The following NEURL1 variants were observed in gnomAD, a reference collection of about 807,000 sequenced individuals.
NEURL1 encodes neuralized E3 ubiquitin protein ligase 1.
In NEURL1, 26 loss-of-function variants were observed where a neutral mutation model predicts 41.2. The observed-to-expected ratio is 0.63, with a 90% confidence interval of 0.46 to 0.87. The LOEUF is 0.87. Among genes scored for constraint, NEURL1 ranks in the 40% least tolerant of loss-of-function variants. The pLI is 0.00. For missense variants in NEURL1, 761 were observed against 871.1 expected, an observed-to-expected ratio of 0.87 and a Z score of 1.59; for synonymous variants, 400 against 402.3, an observed-to-expected ratio of 0.99 and a Z score of 0.07.
At chr10:103,561,633 A>G (rs2035294860) in intron 1 of NEURL1, among the ~76,000 whole-genome samples, 2 of 152,348 alleles carry the variant, frequency 1.3e-5, no homozygotes, top group East Asian at 1.9e-4. Flanking sequence ...AAGGGGTCAC[A>G]CAAGGGCCTG....
At chr10:103,506,838 G>A (rs2033959560) in intron 1 of NEURL1, among the ~76,000 whole-genome samples, 1 of 152,192 alleles carries the variant, frequency 6.6e-6, no homozygotes, top group South Asian at 2.1e-4. Flanking sequence ...GGGGATTACA[G>A]GTGTGTGCCG....
At chr10:103,575,431 C>T (rs2035640235) in intron 3 of NEURL1, among the ~76,000 whole-genome samples, 1 of 152,232 alleles carries the variant, frequency 6.6e-6, no homozygotes, top group Admixed American at 6.5e-5. Flanking sequence ...CCCCTGCCCC[C>T]TTTGTCTGAA....
intron 3 of NEURL1, among the ~76,000 whole-genome samples, chr10:103,583,102 C>T (rs2035817848): frequency 6.6e-6 from 1 of 152,108 alleles, no homozygotes; most frequent in East Asian, 1.9e-4. Flanking sequence ...GAACATAACA[C>T]AGCCATTAGA....
intron 1 of NEURL1, 98 bp downstream of exon 1, chr10:103,494,570 G>T: frequency 1.9e-6 from 2 of 1,076,526 alleles, no homozygotes; most frequent in South Asian, 1.6e-5. Flanking sequence ...CCTGTTGTGC[G>T]TGTCTGGAGG....
chr10:103,588,094 G>A (rs2035959353), intron 4 of NEURL1, among the ~76,000 whole-genome samples: 1 of 152,000 alleles, frequency 6.6e-6, no homozygotes, highest in African/African-American at 2.4e-5. Flanking sequence ...CACAAGGTCA[G>A]GAGATCGAGA....
At chr10:103,537,936 G>A (rs139145453) in intron 1 of NEURL1, among the ~76,000 whole-genome samples, 4 of 152,022 alleles carry the variant, frequency 2.6e-5, no homozygotes, top group South Asian at 2.1e-4. Flanking sequence ...TCAAGTAACC[G>A]CCAGCTGCTT....
At chr10:103,590,072 C>T in intron 5 of NEURL1, 62 bp from the exon 6 acceptor site, 1 of 1,517,666 alleles carries the variant, frequency 6.6e-7, no homozygotes, top group Non-Finnish European at 9.1e-7. Flanking sequence ...GAGCTCTCTT[C>T]CCGTGAATCC....
intron 3 of NEURL1, among the ~76,000 whole-genome samples, chr10:103,576,929 G>T (rs1475129579): frequency 6.6e-6 from 1 of 152,098 alleles, no homozygotes; most frequent in East Asian, 1.9e-4. Context: ...CCTATCCAGG[G>T]TGTGCCTCAG....
chr10:103,552,190 C>T (rs1400104031), intron 1 of NEURL1, among the ~76,000 whole-genome samples: 1 of 152,102 alleles, frequency 6.6e-6, no homozygotes, highest in African/African-American at 2.4e-5. Flanking sequence ...CCTCCCTCAC[C>T]CTTCACAACC....
intron 1 of NEURL1, among the ~76,000 whole-genome samples, chr10:103,534,985 T>C (rs560508340): frequency 1.0e-3 from 157 of 152,156 alleles, no homozygotes; most frequent in African/African-American, 3.4e-3. Context: ...TGGGAAGAAG[T>C]GCTCTAAAGA....
rs1338461610 is a variant in NEURL1 at position 103,578,393 on chromosome 10, A to G, written c.650-6143A>G. Among the ~76,000 whole-genome samples the G allele has an allele frequency of 6.6e-5, 10 of 152,270 alleles. No individual in the cohort carries two copies. The South Asian group carries it at 1.5e-3, about 22-fold the overall frequency. On this transcript the variant is annotated intron_variant, in intron 3 of 5. Coordinates refer to ENST00000369780, the MANE Select transcript of NEURL1 (RefSeq NM_004210.5). ...ATCGGGCTGAAAGGAAAACCATGCA[A>G]TCGAAATTGCTCCTTGGAACAAGAT...
chr10:103,589,520 C>T lies in NEURL1; in HGVS notation c.1346C>T (p.Thr449Ile), dbSNP rs1470260788. ...TITQIRILGS[T>I]ILAERGIPSL... is the part of the protein sequence containing the mutation. ...CCTCCCTCCCCTTTCACAGGCTCCACTATCCTGGCCGAGCGGGGTATCCCA... is the reference window on the plus strand; with the variant it reads ...CCTCCCTCCCCTTTCACAGGCTCCATTATCCTGGCCGAGCGGGGTATCCCA... Residue 449 changes from threonine (T) to isoleucine (I), a missense_variant, in exon 5 of 6, where the codon ACT becomes ATT. This residue lies in a region of NEURL1 where 443 missense variants were observed against 408.1 expected (regional missense o/e 1.09). Transcript: ENST00000369780. The T allele has an allele frequency of 6.2e-7, 1 of 1,608,572 alleles. No individual in the cohort carries two copies. Among genetic ancestry groups the T allele is most frequent in the Non-Finnish European group, 8.5e-7 (1 of 1,177,030 alleles).
intron 1 of NEURL1, among the ~76,000 whole-genome samples, chr10:103,507,563 A>T (rs1476292773): frequency 6.6e-6 from 1 of 152,142 alleles, no homozygotes; most frequent in Non-Finnish European, 1.5e-5. Flanking sequence ...GAATCCTGAC[A>T]TCTGTGGCAG....
chr10:103,570,844 T>C (rs2035524731), intron 1 of NEURL1, 28 bp from the exon 2 acceptor site: 2 of 1,600,342 alleles, frequency 1.2e-6, no homozygotes, highest in Non-Finnish European at 1.7e-6. Context: ...CGCCAAGTTC[T>C]CTGACACCGT....
chr10:103,499,670 T>C (rs867819743), intron 1 of NEURL1, among the ~76,000 whole-genome samples: 1 of 151,936 alleles, frequency 6.6e-6, no homozygotes, highest in Non-Finnish European at 1.5e-5. Context: ...CATCTTGCCA[T>C]GTTGCCCAGG....
intron 1 of NEURL1, among the ~76,000 whole-genome samples, chr10:103,503,657 T>C (rs2033876239): frequency 6.6e-6 from 1 of 152,020 alleles, no homozygotes; most frequent in African/African-American, 2.4e-5. Context: ...AATAGGTGAG[T>C]GCTCACCACT....
intron 1 of NEURL1, among the ~76,000 whole-genome samples, chr10:103,512,876 C>T (rs554609365): frequency 1.3e-5 from 2 of 152,136 alleles, no homozygotes; most frequent in African/African-American, 4.8e-5. Context: ...TGGCTGGGTC[C>T]CTTCTCTCCC....
At chr10:103,544,775 A>C (rs1330507980) in intron 1 of NEURL1, among the ~76,000 whole-genome samples, 3 of 152,144 alleles carry the variant, frequency 2.0e-5, no homozygotes, top group Admixed American at 2.0e-4. Flanking sequence ...GTTCCCAGGG[A>C]AGAGACCTCC....
chr10:103,543,969 C>A (rs1206184981), intron 1 of NEURL1, among the ~76,000 whole-genome samples: 2 of 152,142 alleles, frequency 1.3e-5, no homozygotes, highest in Non-Finnish European at 2.9e-5. Flanking sequence ...GGGCTGGGGT[C>A]AGTTCACAGA....
Sources: gnomAD v4.1 joint callset for allele counts (sites outside exome capture counted in the v4.1 genomes callset) on GRCh38, gnomAD v4.1.1 for gene constraint, gnomAD v4.1.1 regional missense constraint, MANE v1.5 for transcripts, NCBI Gene and HGNC (gene_info 2026-07-23, HGNC 2026-07-21) for gene names.